The following TMEFF2 variants were observed in gnomAD, a reference collection of about 807,000 sequenced individuals.
TMEFF2 encodes the protein transmembrane protein with EGF like and two follistatin like domains 2.
A neutral mutation model predicts 53.8 loss-of-function variants in TMEFF2; 28 were observed. That is an observed-to-expected ratio of 0.52 (90% CI 0.39 to 0.71). TMEFF2 has a LOEUF of 0.71. Ranked by LOEUF, TMEFF2 falls within the 30% of genes least tolerant of loss-of-function variation. The pLI, the probability that TMEFF2 is intolerant of heterozygous loss-of-function variation, is 0.00. For synonymous variants in TMEFF2, 162 were observed against 166.3 expected, an observed-to-expected ratio of 0.97 and a Z score of 0.20; for missense variants, 353 against 455.2, an observed-to-expected ratio of 0.78 and a Z score of 2.04.
In TMEFF2 at chr2:192,135,247, A is replaced by AT. The variant is rs945907275; in HGVS notation, c.439+44420dup. Among the ~76,000 whole-genome samples the AT allele has an allele frequency of 3.3e-5, 5 of 152,258 alleles. No individual in the cohort carries two copies. The East Asian group carries it at 5.8e-4, about 18-fold the overall frequency. On this transcript the variant is annotated intron_variant, in intron 4 of 9. Transcript: ENST00000272771. ...ATCACAGCTGATATCTCCTCGTGCT[A>AT]TCCCCAAACGGCCACTCTTAACTCT...
chr2:191,953,928 C>G (rs182063770), intron 8 of TMEFF2, 91 bp from the exon 9 acceptor site: 43 of 1,064,374 alleles, frequency 4.0e-5, no homozygotes, highest in Non-Finnish European at 5.1e-5. Flanking sequence ...CTCGCTCTGT[C>G]GCCCAGGCTG....
At chr2:191,986,875 A>G (rs1367574392) in intron 7 of TMEFF2, among the ~76,000 whole-genome samples, 1 of 151,518 alleles carries the variant, frequency 6.6e-6, no homozygotes, top group East Asian at 1.9e-4. Context: ...AAAAAAAAAA[A>G]AAAAGTGTGT....
intron 7 of TMEFF2, among the ~76,000 whole-genome samples, chr2:191,965,125 G>T (rs1250399171): frequency 6.6e-6 from 1 of 151,982 alleles, no homozygotes; most frequent in Non-Finnish European, 1.5e-5. Context: ...TGATTAGTCA[G>T]CCCAGATCAA....
chr2:192,101,020 A>C (rs1689019713), intron 4 of TMEFF2, among the ~76,000 whole-genome samples: 1 of 152,180 alleles, frequency 6.6e-6, no homozygotes, highest in Admixed American at 6.6e-5. Flanking sequence ...CTTATTATAA[A>C]CTGTACTTGA....
intron 4 of TMEFF2, among the ~76,000 whole-genome samples, chr2:192,129,191 G>A (rs1255546941): frequency 2.0e-5 from 3 of 152,114 alleles, no homozygotes; most frequent in Non-Finnish European, 4.4e-5. Flanking sequence ...GCAAATCTTC[G>A]AATTGGTTCC....
Position 192,135,269 on chromosome 2 carries a change from C to G in TMEFF2, c.439+44399G>C, listed in dbSNP as rs543374985. Among the ~76,000 whole-genome samples, 355 of 151,936 alleles carry G rather than the reference C, an allele frequency of 2.3e-3. 1 individual carries two copies. Among genetic ancestry groups the G allele is most frequent in the African/African-American group, 8.0e-3 (332 of 41,444 alleles). On this transcript the variant is annotated intron_variant, in intron 4 of 9. Transcript: ENST00000272771. The stretch of plus-strand genomic sequence containing the variant: ...GCTATCCCCAAACGGCCACTCTTAA[C>G]TCTTGAAGTAAATAAATAATCTTTG...
At chr2:192,175,870 C>G (rs973317711) in intron 4 of TMEFF2, among the ~76,000 whole-genome samples, 3 of 151,040 alleles carry the variant, frequency 2.0e-5, no homozygotes, top group Admixed American at 1.3e-4. Context: ...CAGAATCTAA[C>G]AAAGATCTAA....
At chr2:192,005,520 C>T (rs1559081442) in intron 5 of TMEFF2, among the ~76,000 whole-genome samples, 1 of 152,282 alleles carries the variant, frequency 6.6e-6, no homozygotes, top group South Asian at 2.1e-4. Context: ...TATTCCTCTC[C>T]CAAGGTCTTT....
intron 7 of TMEFF2, among the ~76,000 whole-genome samples, chr2:191,986,597 C>T (rs1383841507): frequency 4.7e-5 from 7 of 148,418 alleles, no homozygotes; most frequent in East Asian, 2.0e-4. Context: ...TGGTAGCTCA[C>T]GCCTGTAATC....
chr2:192,189,555 C>CAAAAAAAAAAAAA (rs58455898), intron 2 of TMEFF2, among the ~76,000 whole-genome samples: 8 of 41,104 alleles, frequency 1.9e-4, no homozygotes, highest in Admixed American at 4.4e-4. Context: ...CCAAAAATTC[C>CAAAAAAAAAAAAA]AAAAAAAAAA....
At chr2:192,028,576 G>A (rs572300327) in intron 5 of TMEFF2, 1 of 152,006 alleles carries the variant, frequency 6.6e-6, no homozygotes, top group East Asian at 1.9e-4. Flanking sequence ...TTATGACACT[G>A]GTGGAAAAAG....
At chr2:192,063,207 T>C (rs1243488715) in intron 4 of TMEFF2, among the ~76,000 whole-genome samples, 1 of 151,988 alleles carries the variant, frequency 6.6e-6, no homozygotes, top group Non-Finnish European at 1.5e-5. Context: ...TAAAGATTGC[T>C]TTAGTTGCAT....
intron 7 of TMEFF2, among the ~76,000 whole-genome samples, chr2:191,983,391 CTTTT>C (rs11396477): frequency 6.9e-6 from 1 of 144,394 alleles, no homozygotes. Context: ...GCATCTTAGC[CTTTT>C]TTTTTTTTTC....
At chr2:192,168,676 T>A (rs1332055301) in intron 4 of TMEFF2, among the ~76,000 whole-genome samples, 3 of 152,138 alleles carry the variant, frequency 2.0e-5, no homozygotes, top group Non-Finnish European at 2.9e-5. Context: ...TTTTCAGTCA[T>A]CTTTTATGAA....
At chr2:192,015,778 G>A (rs186557341) in intron 5 of TMEFF2, among the ~76,000 whole-genome samples, 71 of 152,272 alleles carry the variant, frequency 4.7e-4, no homozygotes, top group Admixed American at 4.1e-3. Flanking sequence ...AACCAGAGCT[G>A]TCAGGTTACT....
chr2:192,073,233 C>T (rs1323680043), intron 4 of TMEFF2, among the ~76,000 whole-genome samples: 1 of 151,842 alleles, frequency 6.6e-6, no homozygotes, highest in East Asian at 1.9e-4. Flanking sequence ...TATTTTATAT[C>T]AGCTGTACCT....
At chr2:192,188,890 T>G (rs1006570941) in intron 2 of TMEFF2, among the ~76,000 whole-genome samples, 2 of 150,790 alleles carry the variant, frequency 1.3e-5, no homozygotes, top group Non-Finnish European at 2.9e-5. Context: ...TATCTGTCCA[T>G]CTACTGTCTC....
At chr2:191,967,251 C>T (rs190364385) in intron 7 of TMEFF2, among the ~76,000 whole-genome samples, 2 of 152,186 alleles carry the variant, frequency 1.3e-5, no homozygotes, top group Admixed American at 6.5e-5. Flanking sequence ...ATTATAGGTA[C>T]AGCACCTTAG....
At chr2:192,002,908 A>T (rs144543858) in intron 5 of TMEFF2, among the ~76,000 whole-genome samples, 1 of 152,172 alleles carries the variant, frequency 6.6e-6, no homozygotes, top group Non-Finnish European at 1.5e-5. Flanking sequence ...CCAAGGACCT[A>T]CCATTTCTAT....
Sources: gnomAD v4.1 joint callset for allele counts (sites outside exome capture counted in the v4.1 genomes callset) on GRCh38, gnomAD v4.1.1 for gene constraint, MANE v1.5 for transcripts, NCBI Gene and HGNC (gene_info 2026-07-23, HGNC 2026-07-21) for gene names.